Variants in ADAMTSL1 observed in about 807,000 individuals in gnomAD.
ADAMTSL1 encodes the protein ADAMTS like 1, also known as ADAMTS-like protein 1.
Under a neutral mutation model 201.8 loss-of-function variants are expected in ADAMTSL1, and 126 were observed. The observed-to-expected ratio is 0.62, with a 90% CI of 0.54 to 0.72. ADAMTSL1 has a LOEUF of 0.72. ADAMTSL1 is among the 30% of genes least tolerant of loss of function. ADAMTSL1 has a pLI of 0.00. For missense variants in ADAMTSL1, 2,679 were observed against 2,277.8 expected (o/e 1.18, Z -3.59); for synonymous variants, 1,121 against 903.4 (o/e 1.24, Z -4.32).
chr9:18,140,197 G>C (rs904069274), intron 1 of ADAMTSL1, among the ~76,000 whole-genome samples: 1 of 152,022 alleles, frequency 6.6e-6, no homozygotes, highest in African/African-American at 2.4e-5. Flanking sequence ...TAAATACAAA[G>C]TAAAAGAAGC....
chr9:18,297,387 C>G (rs556685017), intron 2 of ADAMTSL1, among the ~76,000 whole-genome samples: 11 of 149,864 alleles, frequency 7.3e-5, no homozygotes, highest in African/African-American at 2.7e-4. Context: ...TTTTTAAGTC[C>G]TGAAAATAGC....
At chr9:17,977,530 A>G (rs894234701) in intron 1 of ADAMTSL1, among the ~76,000 whole-genome samples, 2 of 151,824 alleles carry the variant, frequency 1.3e-5, no homozygotes, top group African/African-American at 2.4e-5. Flanking sequence ...GGTTGGTTCT[A>G]TGTTTCTTGA....
intron 11 of ADAMTSL1, chr9:18,680,896 T>C: frequency 8.4e-6 from 2 of 237,850 alleles, no homozygotes; most frequent in Non-Finnish European, 1.7e-5. Context: ...GTATTATGCT[T>C]TGTATCCGAA....
intron 2 of ADAMTSL1, among the ~76,000 whole-genome samples, chr9:18,315,637 G>A (rs1005719405): frequency 3.3e-5 from 5 of 152,086 alleles, no homozygotes; most frequent in Admixed American, 1.3e-4. Flanking sequence ...GGGGCCCACC[G>A]ATCCCGCGCC....
chr9:18,700,761 A>G (rs1831877135), intron 13 of ADAMTSL1, among the ~76,000 whole-genome samples: 1 of 152,114 alleles, frequency 6.6e-6, no homozygotes, highest in South Asian at 2.1e-4. Context: ...CTTATGACAT[A>G]TTTTCTTTTT....
At position 18,000,273 on chromosome 9, in the gene ADAMTSL1, C is replaced by T. The variant is rs1819558996; in HGVS notation, c.87+93351C>T. ...ACATCCTCTCCAGCACCTGTTGTTTCCTGACTTTTTAATGATTAAAAAGTC... is the reference window on the plus strand; with the variant it reads ...ACATCCTCTCCAGCACCTGTTGTTTTCTGACTTTTTAATGATTAAAAAGTC... On this transcript the variant is annotated intron_variant, in intron 1 of 29. Transcript: ENST00000680146. Among the ~76,000 whole-genome samples the T allele has an allele frequency of 2.7e-5, 4 of 150,170 alleles. No homozygotes were observed. In the South Asian group the frequency reaches 8.3e-4, roughly 31 times the overall value.
intron 1 of ADAMTSL1, among the ~76,000 whole-genome samples, chr9:18,065,346 A>G (rs975367782): frequency 1.3e-5 from 2 of 152,186 alleles, no homozygotes; most frequent in African/African-American, 2.4e-5. Flanking sequence ...TTAGGTTTTC[A>G]TCTTTAATAA....
intron 1 of ADAMTSL1, among the ~76,000 whole-genome samples, chr9:17,915,896 T>C (rs1826072928): frequency 6.6e-6 from 1 of 152,226 alleles, no homozygotes; most frequent in East Asian, 1.9e-4. Flanking sequence ...AGTTTTCTTA[T>C]TGGGCTTGGA....
rs115646273 is a variant in ADAMTSL1, at chr9:18,375,628, G to A, written c.208-129201G>A. Among the ~76,000 whole-genome samples, 574 of 152,312 alleles carry A rather than the reference G, an allele frequency of 3.8e-3. 4 individuals carry two copies. The highest frequency in any genetic ancestry group is 0.013 in the African/African-American group (523 of 41,550). On this transcript the variant is annotated intron_variant, in intron 2 of 29. Transcript: ENST00000680146. The stretch of plus-strand genomic sequence containing the variant: ...TCTCGCTGACTTCAGGAATGAAGCC[G>A]TGGACCTTCACGGTGAGTGTTACAG...
At chr9:18,844,518 A>G (rs1283667423) in intron 23 of ADAMTSL1, among the ~76,000 whole-genome samples, 3 of 152,192 alleles carry the variant, frequency 2.0e-5, no homozygotes, top group East Asian at 3.9e-4. Flanking sequence ...CAGTCTGCCC[A>G]TTCTCAGATC....
intron 2 of ADAMTSL1, among the ~76,000 whole-genome samples, chr9:18,274,845 A>C (rs573855245): frequency 6.6e-6 from 1 of 152,354 alleles, no homozygotes; most frequent in Non-Finnish European, 1.5e-5. Flanking sequence ...CTTCCATTGT[A>C]AGCCTGTACT....
intron 19 of ADAMTSL1, among the ~76,000 whole-genome samples, chr9:18,779,409 C>A (rs1387386489): frequency 6.6e-6 from 1 of 152,188 alleles, no homozygotes; most frequent in African/African-American, 2.4e-5. Context: ...GTATGCCAGA[C>A]ATAGTGCTCA....
chr9:18,623,340 C>T (rs1826153070), intron 5 of ADAMTSL1, among the ~76,000 whole-genome samples: 1 of 152,004 alleles, frequency 6.6e-6, no homozygotes, highest in Non-Finnish European at 1.5e-5. Flanking sequence ...GAGCAAAGTA[C>T]TATTAATCCC....
intron 1 of ADAMTSL1, among the ~76,000 whole-genome samples, chr9:18,051,562 T>C (rs964675612): frequency 3.3e-4 from 50 of 150,768 alleles, no homozygotes; most frequent in African/African-American, 1.2e-3. Context: ...TTTTTTTTTT[T>C]AAATACAAGG....
At chr9:18,080,953 C>T (rs1823475507) in intron 1 of ADAMTSL1, among the ~76,000 whole-genome samples, 1 of 152,120 alleles carries the variant, frequency 6.6e-6, no homozygotes, top group Non-Finnish European at 1.5e-5. Flanking sequence ...ATATTTTATG[C>T]ATTTGTGAGT....
chr9:18,755,333 G>C (rs1321515375), intron 16 of ADAMTSL1, among the ~76,000 whole-genome samples: 1 of 152,150 alleles, frequency 6.6e-6, no homozygotes, highest in African/African-American at 2.4e-5. Context: ...TGTTGAAATT[G>C]TTAAGTCCCC....
chr9:18,134,905 A>G (rs1298398637), intron 1 of ADAMTSL1, among the ~76,000 whole-genome samples: 2 of 152,212 alleles, frequency 1.3e-5, no homozygotes, highest in African/African-American at 4.8e-5. Context: ...CCATGCCACC[A>G]TCACAACTTC....
At chr9:18,047,032 G>A (rs1821689336) in intron 1 of ADAMTSL1, among the ~76,000 whole-genome samples, 1 of 152,098 alleles carries the variant, frequency 6.6e-6, no homozygotes, top group Non-Finnish European at 1.5e-5. Flanking sequence ...CAGAAAAATG[G>A]CTTAGAAGAT....
intron 17 of ADAMTSL1, among the ~76,000 whole-genome samples, chr9:18,772,894 A>G (rs1431504940): frequency 6.6e-6 from 1 of 152,164 alleles, no homozygotes; most frequent in Non-Finnish European, 1.5e-5. Flanking sequence ...GAATGTTACT[A>G]GCTTCTGAGC....
Sources: allele counts gnomAD v4.1 joint callset (sites outside exome capture counted in the v4.1 genomes callset), GRCh38; gene constraint gnomAD v4.1.1; transcripts MANE v1.5; gene names NCBI Gene and HGNC (gene_info 2026-07-23, HGNC 2026-07-21).